The following OGN variants were observed in gnomAD, a reference collection of about 807,000 sequenced individuals.
OGN encodes the protein mimecan.
Under a neutral mutation model 30.8 loss-of-function variants are expected in OGN, and 19 were observed. That is an observed-to-expected ratio of 0.62 (90% confidence interval 0.43 to 0.90). OGN has a LOEUF of 0.90. OGN is among the 40% of genes least tolerant of loss of function. The pLI is 0.00. For synonymous variants in OGN, 126 were observed against 128.3 expected (o/e 0.98, Z 0.12); for missense variants, 283 against 349.7 (o/e 0.81, Z 1.52).
At chr9:92,404,644 A>G (rs200929817), upstream of OGN, 2 of 1,271,628 alleles carry the variant, frequency 1.6e-6, no homozygotes, top group Non-Finnish European at 2.0e-6. Flanking sequence ...CTTTAAGAAC[A>G]GTTTCCATGT....
At chr9:92,396,244 A>C (rs1842885573) in intron 3 of OGN, among the ~76,000 whole-genome samples, 1 of 152,132 alleles carries the variant, frequency 6.6e-6, no homozygotes, top group Admixed American at 6.5e-5. Context: ...CCAATACTGC[A>C]GTGTCTTGAT....
rs1478217420 is a variant in OGN, at chr9:92,384,382, T to C, written c.*1238A>G. 2 of 152,160 alleles carry C rather than the reference T, an allele frequency of 1.3e-5. No homozygotes were observed. The highest frequency in any genetic ancestry group is 3.8e-4 in the East Asian group (2 of 5,198). 9.4% of individuals were successfully genotyped at this position (152,160 alleles called of 1,614,324 possible). On this transcript the variant is annotated 3_prime_UTR_variant, in exon 7 of 7. Coordinates refer to ENST00000375561, the MANE Select transcript of OGN (RefSeq NM_014057.5). ...GACAACTTGATTTCAATACATACTTTATGGTGGAAATAATGTTTGTACTTT... is the reference window on the plus strand; with the variant it reads ...GACAACTTGATTTCAATACATACTTCATGGTGGAAATAATGTTTGTACTTT...
intron 4 of OGN, among the ~76,000 whole-genome samples, chr9:92,392,432 G>A (rs1047391312): frequency 1.3e-5 from 2 of 152,080 alleles, no homozygotes; most frequent in African/African-American, 4.8e-5. Context: ...GACCAGCCTG[G>A]CCAACATGGT....
chr9:92,391,674 A>T (rs933889206), intron 4 of OGN, among the ~76,000 whole-genome samples: 1 of 152,148 alleles, frequency 6.6e-6, no homozygotes, highest in Non-Finnish European at 1.5e-5. Flanking sequence ...AATGTGAAAA[A>T]CATGTCGTTA....
chr9:92,392,491 A>G (rs1358962694), intron 4 of OGN, among the ~76,000 whole-genome samples: 4 of 152,034 alleles, frequency 2.6e-5, no homozygotes, highest in Admixed American at 6.6e-5. Flanking sequence ...GTGTGGTGGC[A>G]CACACCTCAG....
intron 4 of OGN, among the ~76,000 whole-genome samples, chr9:92,391,727 G>A (rs1217425853): frequency 1.3e-5 from 2 of 152,200 alleles, no homozygotes; most frequent in Admixed American, 6.5e-5. Flanking sequence ...ATGAGAACTG[G>A]AACCAGAAGA....
chr9:92,404,096 A>G lies in OGN; in HGVS notation c.-76+400T>C, dbSNP rs1030388547. Reference sequence around the variant, plus strand: ...AATAGTATTGCAGGCTAGAGGAAATACCGAACTTTAATCAAAGAACTTTGA... The same window carrying G: ...AATAGTATTGCAGGCTAGAGGAAATGCCGAACTTTAATCAAAGAACTTTGA... On this transcript the variant is annotated intron_variant, in intron 1 of 6. Transcript: ENST00000375561. Among the ~76,000 whole-genome samples the G allele has an allele frequency of 2.6e-5, 4 of 152,300 alleles. No individual in the cohort carries two copies. The South Asian group carries it at 8.3e-4, about 32-fold the overall frequency.
intron 5 of OGN, among the ~76,000 whole-genome samples, chr9:92,387,393 A>C (rs1588082222): frequency 6.6e-6 from 1 of 151,796 alleles, no homozygotes; most frequent in South Asian, 2.1e-4. Flanking sequence ...AAAAAAAAAA[A>C]TGTGTTCTTA....
At position 92,389,993 on chromosome 9, in the gene OGN, G is replaced by GA; in HGVS notation, c.490dup (p.Ser164PhefsTer13). On this transcript the variant is annotated frameshift_variant, in exon 5 of 7. Transcript: ENST00000375561. LOFTEE classifies it high-confidence loss of function. ...AAGTTCTTCTAACAGAGAAAGTTTTGAAAAAGTACCATCTTCTATATCTTC... is the reference window on the plus strand; with the variant it reads ...AAGTTCTTCTAACAGAGAAAGTTTTGAAAAAAGTACCATCTTCTATATCTTC... The GA allele has an allele frequency of 1.2e-6, 2 of 1,609,758 alleles. No homozygotes were observed. Among genetic ancestry groups the GA allele is most frequent in the Non-Finnish European group, 1.7e-6 (2 of 1,176,844 alleles).
Position 92,389,881 on chromosome 9 carries a change from A to C in OGN, c.603T>G (p.Ser201Arg). 6.2e-7 allele frequency: 1 copy of C among 1,612,042 alleles called. No homozygotes were observed. Among genetic ancestry groups the C allele is most frequent in the Non-Finnish European group, 8.5e-7 (1 of 1,178,714 alleles). The change falls in exon 5 of 7, where the codon AGT becomes AGG. Residue 201 changes from serine (S) to arginine (R), a missense_variant. Ser to Arg is a moderately radical substitution (Grantham distance 110, BLOSUM62 -1). Transcript: ENST00000375561. Reference protein sequence around the residue: ...LFNAKYNKIKSRGIKANAFKK... With the variant: ...LFNAKYNKIKRRGIKANAFKK... ...TGAATGCATTTGCTTTGATTCCCCTACTCTTGATTTTGTTGTATTTTGCAT... is the reference window on the plus strand; with the variant it reads ...TGAATGCATTTGCTTTGATTCCCCTCCTCTTGATTTTGTTGTATTTTGCAT...
Position 92,403,311 on chromosome 9 carries a change from A to C in OGN, c.97T>G (p.Tyr33Asp). The C allele has an allele frequency of 6.2e-7, 1 of 1,612,294 alleles. No homozygotes were observed. Among genetic ancestry groups the C allele is most frequent in the Non-Finnish European group, 8.5e-7 (1 of 1,178,510 alleles). Reference protein sequence around the residue: ...TQQDSRIIYDYGTDNFEESIF... With the variant: ...TQQDSRIIYDDGTDNFEESIF... ...GATTCTTCAAAATTATCTGTTCCATAATCATAGATAATGCGTGAGTCCTGC... is the reference window on the plus strand; with the variant it reads ...GATTCTTCAAAATTATCTGTTCCATCATCATAGATAATGCGTGAGTCCTGC... The change falls in exon 2 of 7, where the codon TAT (tyrosine) becomes GAT (aspartate). Residue 33 changes from tyrosine to aspartate, a missense_variant. Tyr to Asp is a radical substitution (Grantham distance 160). Coordinates refer to ENST00000375561, the MANE Select transcript of OGN (RefSeq NM_014057.5).
At chr9:92,387,411 G>A (rs989193156) in intron 5 of OGN, among the ~76,000 whole-genome samples, 4 of 151,832 alleles carry the variant, frequency 2.6e-5, no homozygotes, top group African/African-American at 9.7e-5. Context: ...TTAGCAAGAT[G>A]TTTCCCAAAG....
intron 3 of OGN, among the ~76,000 whole-genome samples, chr9:92,396,499 A>G (rs1335045740): frequency 1.3e-5 from 2 of 152,034 alleles, no homozygotes; most frequent in Admixed American, 6.5e-5. Flanking sequence ...TTCTCCTTAT[A>G]TATAGGTCTT....
In OGN at chr9:92,394,443, AG is replaced by A. The variant is rs144487235; in HGVS notation, c.269-1200del. ...TTTTTTTGAATTTTTAGTATAGACAAGGTTTCACCATGTTGGCCAGGCTGGT... is the reference window on the plus strand; with the variant it reads ...TTTTTTTGAATTTTTAGTATAGACAAGTTTCACCATGTTGGCCAGGCTGGT... On this transcript the variant is annotated intron_variant, in intron 3 of 6. Transcript: ENST00000375561. 6.3e-4 allele frequency among the ~76,000 whole-genome samples: 94 copies of A among 150,248 alleles called. No individual in the cohort carries two copies. In the East Asian group the frequency reaches 0.017, roughly 28 times the overall value.
intron 3 of OGN, among the ~76,000 whole-genome samples, chr9:92,396,243 C>A (rs903834781): frequency 4.6e-5 from 7 of 152,144 alleles, no homozygotes; most frequent in African/African-American, 1.7e-4. Context: ...GCCAATACTG[C>A]AGTGTCTTGA....
chr9:92,386,099 T>A (rs1842408239), intron 6 of OGN, 102 bp downstream of exon 6: 2 of 892,822 alleles, frequency 2.2e-6, no homozygotes, highest in Non-Finnish European at 3.6e-6. Flanking sequence ...ACTACAGTGA[T>A]CTAACCAAAA....
rs1842369314 is a variant in OGN, at chr9:92,385,108, G to A, written c.*512C>T. On this transcript the variant is annotated 3_prime_UTR_variant, in exon 7 of 7. Coordinates refer to ENST00000375561, the MANE Select transcript of OGN (RefSeq NM_014057.5). ...AAGTGAAAAATTTAATAAAATAGCTGCCTTGATAGGAGGAAAACAAAGTTC... is the reference window on the plus strand; with the variant it reads ...AAGTGAAAAATTTAATAAAATAGCTACCTTGATAGGAGGAAAACAAAGTTC... 1 of 152,582 alleles carries A rather than the reference G, an allele frequency of 6.6e-6. No homozygotes were observed. Among genetic ancestry groups the A allele is most frequent in the African/African-American group, 2.4e-5 (1 of 41,428 alleles). 9.5% of individuals were successfully genotyped at this position (152,582 alleles called of 1,614,324 possible).
At chr9:92,394,854 G>A (rs1004427454) in intron 3 of OGN, among the ~76,000 whole-genome samples, 2 of 151,986 alleles carry the variant, frequency 1.3e-5, no homozygotes, top group East Asian at 1.9e-4. Flanking sequence ...TGATCTGCCC[G>A]CCTCAGCCTC....
intron 3 of OGN, among the ~76,000 whole-genome samples, chr9:92,395,298 T>C (rs1166716633): frequency 6.6e-6 from 1 of 152,222 alleles, no homozygotes. Flanking sequence ...ATGGAGTATC[T>C]ACTTCCTTTT....
Sources: gnomAD v4.1 joint callset for allele counts (sites outside exome capture counted in the v4.1 genomes callset) on GRCh38, gnomAD v4.1.1 for gene constraint, MANE v1.5 for transcripts, NCBI Gene and HGNC (gene_info 2026-07-23, HGNC 2026-07-21) for gene names.